BAIAP3: variants seen among roughly 807,000 people sequenced by gnomAD.
The protein encoded by BAIAP3 is BAI1 associated protein 3, also known as BAI1-associated protein 3.
In BAIAP3, 180 loss-of-function variants were observed where a neutral mutation model predicts 149.7. The ratio of observed to expected loss-of-function variants is 1.20; its 90% confidence interval spans 1.07 to 1.36. The LOEUF (loss-of-function observed/expected upper bound fraction) is 1.36. Among genes scored for constraint, BAIAP3 ranks in the 40% most tolerant of loss-of-function variants. BAIAP3 has a pLI of 0.00. For synonymous variants in BAIAP3, 845 were observed against 670.7 expected (o/e 1.26, Z -4.02); for missense variants, 1,767 against 1,563.4 (o/e 1.13, Z -2.20).
chr16:1,349,228 C>G lies in BAIAP3; in HGVS notation c.*746C>G. 1.6e-6 allele frequency: 1 copy of G among 627,228 alleles called. No individual in the cohort carries two copies. The highest frequency in any genetic ancestry group is 2.8e-6 in the Non-Finnish European group (1 of 353,246). The allele number at this position is 627,228 out of a possible 1,614,324, so 38.9% of individuals were successfully genotyped here. On this transcript the variant is annotated 3_prime_UTR_variant, in exon 34 of 34. Transcript: ENST00000426824. ...CCCCAGGCCCAGTGTGAAAAACAGA[C>G]TCACAAGGGGCTTCTTGGCCTGCAG...
Position 1,347,930 on chromosome 16 carries a change from C to T in BAIAP3, c.3062C>T (p.Pro1021Leu). The change falls in exon 32 of 34, where the codon CCA becomes CTA. Residue 1021 changes from proline (P) to leucine (L), a missense_variant. Transcript: ENST00000426824. ...CCCTTTGTGATCGTGGAGCTGGGCC[C>T]ACCGCATCTCTTTCCACTGGTCCGC... ...SDPFVIVELG[P>L]PHLFPLVRSQ... The T allele has an allele frequency of 6.2e-7, 1 of 1,612,108 alleles. No individual in the cohort carries two copies. Among genetic ancestry groups the T allele is most frequent in the Non-Finnish European group, 8.5e-7 (1 of 1,179,942 alleles).
At chr16:1,336,791 C>T (rs1161049275) in intron 1 of BAIAP3, among the ~76,000 whole-genome samples, 1 of 152,202 alleles carries the variant, frequency 6.6e-6, no homozygotes, top group Non-Finnish European at 1.5e-5. Context: ...TGCTGGTCTT[C>T]GTTTCCTCTC....
chr16:1,342,882 G>C, intron 13 of BAIAP3, 31 bp from the exon 14 acceptor site: 1 of 1,611,650 alleles, frequency 6.2e-7, no homozygotes, highest in South Asian at 1.1e-5. Context: ...GGGCTGTCCC[G>C]CCTCCACCCA....
In BAIAP3 at chr16:1,346,972, G is replaced by A. The variant is rs568630632; in HGVS notation, c.2751+17G>A. On this transcript the variant is annotated intron_variant, in intron 28 of 33. Transcript: ENST00000426824. Reference sequence around the variant, plus strand: ...ACGCTGGAGGTAGAGCTCTGTGAAGGAGTCCTCCCCGCCGGCCCCCGCCTC... The same window carrying A: ...ACGCTGGAGGTAGAGCTCTGTGAAGAAGTCCTCCCCGCCGGCCCCCGCCTC... 2 of 1,581,034 alleles carry A rather than the reference G, an allele frequency of 1.3e-6. No individual in the cohort carries two copies. The highest frequency in any genetic ancestry group is 1.1e-5 in the South Asian group (1 of 88,480).
chr16:1,334,834 C>A (rs1359928914), intron 1 of BAIAP3: 10 of 1,374,828 alleles, frequency 7.3e-6, no homozygotes, highest in Non-Finnish European at 5.0e-6. Flanking sequence ...GGAGGAAGAG[C>A]AGGGAAGCTG....
chr16:1,338,416 G>A (rs1379471591), intron 1 of BAIAP3, 124 bp from the exon 2 acceptor site: 6 of 913,230 alleles, frequency 6.6e-6, no homozygotes, highest in Non-Finnish European at 9.3e-6. Context: ...CATCCAGGCT[G>A]TGGGTGAGCT....
At position 1,348,512 on chromosome 16, in the gene BAIAP3, C is replaced by T. The variant is rs752411625; in HGVS notation, c.*30C>T. ...ATCAGCTGCCAGCCCCGGCCCTGGCCCCCACCCCAAGTTCCCTGAAGCATC... is the reference window on the plus strand; with the variant it reads ...ATCAGCTGCCAGCCCCGGCCCTGGCTCCCACCCCAAGTTCCCTGAAGCATC... On this transcript the variant is annotated 3_prime_UTR_variant, in exon 34 of 34. Transcript: ENST00000426824. The T allele has an allele frequency of 1.3e-6, 2 of 1,574,554 alleles. No homozygotes were observed. Among genetic ancestry groups the T allele is most frequent in the South Asian group, 1.2e-5 (1 of 86,684 alleles).
Position 1,345,272 on chromosome 16 carries a change from C to G in BAIAP3, c.1964C>G (p.Ala655Gly). ...PGRDSRSLAL[A>G]GIHAPFLPAV... ...AGGGACAGCCGCTCTCTGGCCCTGG[C>G]TGGCATCCACGCCCCCTTCCTGCCT... is the stretch of plus-strand genomic sequence containing the variant. Residue 655 changes from alanine to glycine, a missense_variant, in exon 22 of 34, where the codon GCT (alanine) becomes GGT (glycine). Transcript: ENST00000426824. 6.2e-7 allele frequency: 1 copy of G among 1,613,110 alleles called. No homozygotes were observed. Among genetic ancestry groups the G allele is most frequent in the Non-Finnish European group, 8.5e-7 (1 of 1,179,904 alleles).
rs562625624 is a variant in BAIAP3, at chr16:1,348,217, A to G, written c.3271A>G (p.Thr1091Ala). The change falls in exon 33 of 34, where the codon ACT (threonine) becomes GCT (alanine). Residue 1091 changes from threonine to alanine, a missense_variant. Coordinates refer to ENST00000426824, the MANE Select transcript of BAIAP3 (RefSeq NM_001199097.2). Reference protein sequence around the residue: ...GEAALGLGGVTGVARPQVGGG... With the variant: ...GEAALGLGGVAGVARPQVGGG... ...GGCGGCCCTCGGCCTAGGTGGCGTC[A>G]CTGGTGTCGCCCGGCCCCAGGTGGG... The G allele has an allele frequency of 5.0e-6, 8 of 1,608,428 alleles. No homozygotes were observed. The African/African-American group carries it at 6.7e-5, about 13-fold the overall frequency.
chr16:1,334,878 G>A, intron 1 of BAIAP3: 2 of 938,530 alleles, frequency 2.1e-6, no homozygotes, highest in Non-Finnish European at 3.3e-6. Flanking sequence ...TGGAGAGCCA[G>A]CCTGTGGGGC....
chr16:1,348,138 G>A lies in BAIAP3; in HGVS notation c.3192G>A (p.Val1064=), dbSNP rs1276431771. Residue 1064 remains valine, a synonymous_variant, in exon 33 of 34, where the codon GTG becomes GTA. Coordinates refer to ENST00000426824, the MANE Select transcript of BAIAP3 (RefSeq NM_001199097.2). The part of the protein sequence containing the change: ...AEACRRRAAC[V]LFTVMDHDWL... Reference sequence around the variant, plus strand: ...CGTGCCGCCGCCGCGCGGCCTGTGTGTTGTTCACCGTCATGGACCACGACT... The same window carrying A: ...CGTGCCGCCGCCGCGCGGCCTGTGTATTGTTCACCGTCATGGACCACGACT... 14 of 1,607,034 alleles carry A rather than the reference G, an allele frequency of 8.7e-6. No homozygotes were observed. Among genetic ancestry groups the A allele is most frequent in the Non-Finnish European group, 1.1e-5 (13 of 1,179,718 alleles).
intron 5 of BAIAP3, 90 bp from the exon 6 acceptor site, chr16:1,340,832 C>G (rs1266964279): frequency 1.4e-6 from 2 of 1,389,368 alleles, no homozygotes; most frequent in Non-Finnish European, 2.0e-6. Flanking sequence ...GGTTGGGTGT[C>G]TGTGACGGGC....
At chr16:1,344,339 A>C (rs2034160836) in intron 17 of BAIAP3, 22 bp downstream of exon 17, 2 of 1,613,374 alleles carry the variant, frequency 1.2e-6, no homozygotes, top group Non-Finnish European at 1.7e-6. Context: ...AGCCCAGTGG[A>C]GGCCGGCTGC....
Position 1,344,796 on chromosome 16 carries a change from A to T in BAIAP3, c.1758-2A>T. On this transcript the variant is annotated splice_acceptor_variant, in intron 19 of 33. Transcript: ENST00000426824. LOFTEE classifies it high-confidence loss of function. ...GGATGAGGTGTGTCCCTTGCTCTGC[A>T]GCATCCTCAATGTGGACGTCTTCAC... is the stretch of plus-strand genomic sequence containing the variant. The T allele has an allele frequency of 6.2e-7, 1 of 1,613,846 alleles. No homozygotes were observed. Among genetic ancestry groups the T allele is most frequent in the Non-Finnish European group, 8.5e-7 (1 of 1,180,016 alleles).
rs972447162 is a variant in BAIAP3, at chr16:1,348,221, G to A, written c.3275G>A (p.Gly1092Asp). 3 of 1,607,756 alleles carry A rather than the reference G, an allele frequency of 1.9e-6. No homozygotes were observed. Among genetic ancestry groups the A allele is most frequent in the Middle Eastern group, 1.7e-4 (1 of 6,056 alleles). Residue 1092 changes from glycine to aspartate, a missense_variant, in exon 33 of 34, where the codon GGT becomes GAT. By Grantham distance (94) the Gly-to-Asp change is moderately conservative. Transcript: ENST00000426824. ...EAALGLGGVT[G>D]VARPQVGGGA... ...GCCCTCGGCCTAGGTGGCGTCACTGGTGTCGCCCGGCCCCAGGTGGGCGGG... is the reference window on the plus strand; with the variant it reads ...GCCCTCGGCCTAGGTGGCGTCACTGATGTCGCCCGGCCCCAGGTGGGCGGG...
rs762351761 is a variant in BAIAP3 at position 1,345,772 on chromosome 16, G to C, written c.2090G>C (p.Arg697Thr). The C allele has an allele frequency of 6.4e-7, 1 of 1,551,152 alleles. No homozygotes were observed. The highest frequency in any genetic ancestry group is 1.4e-5 in the African/African-American group (1 of 71,588). The change falls in exon 23 of 34, where the codon AGG becomes ACG. Residue 697 changes from arginine (R) to threonine (T), a missense_variant. Transcript: ENST00000426824. ...DTLEPVDASS[R>T]HSSSAATAGL... ...CTGGAGCCCGTGGACGCCTCCTCCA[G>C]GCACAGCAGCTCCGCAGCCACTGCT...
chr16:1,347,108 T>C (rs970371100), intron 28 of BAIAP3, 153 bp downstream of exon 28: 16 of 875,912 alleles, frequency 1.8e-5, no homozygotes, highest in African/African-American at 3.4e-5. Flanking sequence ...AATGCCGAGG[T>C]GTGGCCTCTG....
In BAIAP3 at chr16:1,333,752, A is replaced by G. The variant is rs532991607; in HGVS notation, c.-11+3A>G. 11 of 151,860 alleles carry G rather than the reference A, an allele frequency of 7.2e-5. No homozygotes were observed. The highest frequency in any genetic ancestry group is 2.4e-4 in the African/African-American group (10 of 41,452). The allele number at this position is 151,860 out of a possible 1,614,324, so 9.4% of individuals were successfully genotyped here. ...CCCCATCCCCGCGCCGGCCCACGGT[A>G]AGTGCCGCGGGCTGCGGCCAGTGCT... On this transcript the variant is annotated splice_donor_region_variant and intron_variant, in intron 1 of 33. Transcript: ENST00000426824.
intron 6 of BAIAP3, 62 bp downstream of exon 6, chr16:1,341,043 G>T: frequency 6.2e-7 from 1 of 1,610,794 alleles, no homozygotes; most frequent in Non-Finnish European, 8.5e-7. Flanking sequence ...GGGGGCACGG[G>T]GCAAGGCCCT....
Sources: gnomAD v4.1 joint callset for allele counts (sites outside exome capture counted in the v4.1 genomes callset) on GRCh38, gnomAD v4.1.1 for gene constraint, MANE v1.5 for transcripts, NCBI Gene and HGNC (gene_info 2026-07-23, HGNC 2026-07-21) for gene names.